C11orf21: variants seen among roughly 807,000 people sequenced by gnomAD.
The protein encoded by C11orf21 is uncharacterized protein C11orf21.
C11orf21 carries 19 observed loss-of-function variants against 15.2 expected under a neutral mutation model. The ratio of observed to expected loss-of-function variants is 1.25; its 90% CI spans 0.87 to 1.84. The LOEUF (loss-of-function observed/expected upper bound fraction) is 1.84. C11orf21 is among the 40% of genes most tolerant of loss of function. The pLI, the probability that C11orf21 is intolerant of heterozygous loss-of-function variation, is 0.00. For missense variants in C11orf21, 171 were observed against 174.4 expected, an observed-to-expected ratio of 0.98 and a Z score of 0.11; for synonymous variants, 62 against 66.8, an observed-to-expected ratio of 0.93 and a Z score of 0.35.
intron 2 of C11orf21, among the ~76,000 whole-genome samples, chr11:2,300,027 G>A (rs574828642): frequency 3.4e-5 from 5 of 146,600 alleles, no homozygotes; most frequent in Non-Finnish European, 7.5e-5. Context: ...CCCGCTGCTC[G>A]AGGGGTCTTC....
upstream of C11orf21, chr11:2,301,967 C>T (rs927094606): frequency 2.7e-6 from 4 of 1,491,800 alleles, no homozygotes; most frequent in African/African-American, 4.2e-5. Flanking sequence ...ACTGCCCCTC[C>T]CCTTCCTGCC....
upstream of C11orf21, chr11:2,302,709 G>A (rs374644554): frequency 6.4e-5 from 45 of 708,104 alleles, 1 homozygote; most frequent in East Asian, 4.1e-4. Context: ...CGGAAACACC[G>A]GGAATCCCTG....
chr11:2,298,142 C>T (rs1278408501), intron 3 of C11orf21, among the ~76,000 whole-genome samples: 2 of 152,200 alleles, frequency 1.3e-5, no homozygotes, highest in Non-Finnish European at 2.9e-5. Flanking sequence ...TGACACTGAA[C>T]CCGCCTCCTA....
At position 2,297,672 on chromosome 11, in the gene C11orf21, A is replaced by G. The variant is rs2133266171; in HGVS notation, c.*278T>C. On this transcript the variant is annotated 3_prime_UTR_variant, in exon 4 of 4. Coordinates refer to ENST00000381153, the MANE Select transcript of C11orf21 (RefSeq NM_001329958.2). ...ACTCACTGCTTCCCAGAGCCAGCCC[A>G]GAGCTGTTTAGTAGACATGAGGTGA... The G allele has an allele frequency of 6.6e-6, 1 of 152,384 alleles. No homozygotes were observed. Among genetic ancestry groups the G allele is most frequent in the African/African-American group, 2.4e-5 (1 of 41,584 alleles). 9.4% of individuals were successfully genotyped at this position (152,384 alleles called of 1,614,324 possible).
chr11:2,298,296 C>T (rs1174634667), intron 3 of C11orf21, among the ~76,000 whole-genome samples: 1 of 152,220 alleles, frequency 6.6e-6, no homozygotes, highest in African/African-American at 2.4e-5. Context: ...GGGGTCTGGC[C>T]TGAAAGGGGA....
intron 2 of C11orf21, among the ~76,000 whole-genome samples, chr11:2,300,013 T>C (rs139324884): frequency 1.2e-3 from 168 of 145,294 alleles, no homozygotes; most frequent in Admixed American, 2.4e-3. Context: ...TCCTTGGGGC[T>C]GAACCCGCTG....
chr11:2,300,913 G>C, intron 1 of C11orf21: 1 of 722,818 alleles, frequency 1.4e-6, no homozygotes, highest in East Asian at 2.7e-5. Context: ...CTGCGCCCCA[G>C]TCTGAGCCAC....
chr11:2,302,792 CT>C, upstream of C11orf21: 7 of 1,520,634 alleles, frequency 4.6e-6, no homozygotes, highest in Non-Finnish European at 6.4e-6. Context: ...GCCGAGCTCC[CT>C]GCTCCTGCAG....
chr11:2,302,224 C>A, upstream of C11orf21: 1 of 1,384,548 alleles, frequency 7.2e-7, no homozygotes, highest in Non-Finnish European at 9.4e-7. Flanking sequence ...TGGTAACAGG[C>A]AGGTCGGGCA....
chr11:2,302,247 G>A, upstream of C11orf21: 1 of 1,381,714 alleles, frequency 7.2e-7, no homozygotes, highest in Non-Finnish European at 9.4e-7. Context: ...AGTGGGTGGT[G>A]GGTGGGGGTG....
At chr11:2,302,187 AGAT>A, upstream of C11orf21, 1 of 1,402,024 alleles carries the variant, frequency 7.1e-7, no homozygotes, top group Non-Finnish European at 9.3e-7. Flanking sequence ...GCCAAATGCC[AGAT>A]GCTGGTCACC....
chr11:2,301,953 C>A (rs1277187066), upstream of C11orf21: 2 of 1,498,848 alleles, frequency 1.3e-6, no homozygotes, highest in East Asian at 2.5e-5. Context: ...GGGGAGCCAA[C>A]CTCACTGCCC....
In C11orf21 at chr11:2,301,866, T is replaced by A. The variant is rs1321275484; in HGVS notation, c.-58A>T. On this transcript the variant is annotated 5_prime_UTR_variant, in exon 1 of 4. Coordinates refer to ENST00000381153, the MANE Select transcript of C11orf21 (RefSeq NM_001329958.2). ...CCACACCAAGAACGAGGCCATGTCTTCCTGGGAAGGGCCTCAGATGTCAGC... is the reference window on the plus strand; with the variant it reads ...CCACACCAAGAACGAGGCCATGTCTACCTGGGAAGGGCCTCAGATGTCAGC... The A allele has an allele frequency of 3.2e-6, 5 of 1,549,842 alleles. No individual in the cohort carries two copies. The highest frequency in any genetic ancestry group is 2.0e-5 in the Admixed American group (1 of 50,974).
intron 3 of C11orf21, among the ~76,000 whole-genome samples, chr11:2,298,239 A>G (rs1847575205): frequency 6.6e-6 from 1 of 152,214 alleles, no homozygotes; most frequent in African/African-American, 2.4e-5. Context: ...CCTGTCCCAG[A>G]GAGAGGGCAG....
chr11:2,299,126 C>T (rs1847607553), intron 3 of C11orf21, among the ~76,000 whole-genome samples: 1 of 152,170 alleles, frequency 6.6e-6, no homozygotes, highest in African/African-American at 2.4e-5. Context: ...TCAAAGGTCC[C>T]CTGGGGCCCA....
chr11:2,302,930 G>A, upstream of C11orf21: 1 of 1,613,686 alleles, frequency 6.2e-7, no homozygotes, highest in Non-Finnish European at 8.5e-7. Flanking sequence ...CCCTGGAGAA[G>A]AACCCGTACC....
upstream of C11orf21, chr11:2,302,306 C>G (rs1160133415): frequency 9.6e-6 from 12 of 1,246,524 alleles, no homozygotes; most frequent in Non-Finnish European, 1.3e-5. Context: ...TATCCCTCCC[C>G]TGACACACAC....
upstream of C11orf21, chr11:2,302,878 T>A (rs901097960): frequency 1.2e-6 from 2 of 1,613,520 alleles, no homozygotes; most frequent in Non-Finnish European, 1.7e-6. Context: ...ATGGTGACTC[T>A]TACCTACTTC....
In C11orf21 at chr11:2,301,775, G is replaced by A. The variant is rs758267375; in HGVS notation, c.34C>T (p.Arg12Trp). The A allele has an allele frequency of 3.7e-5, 57 of 1,549,684 alleles. 1 individual carries two copies. In the Middle Eastern group the frequency reaches 5.0e-4, roughly 14 times the overall value. ...GCTCACCTCCTCCTCCCCGGGCGCC[G>A]TCTCCTCCACATCCCACACCAGGTC... ...GRTWCGMWRR[R>W]RPGRRSAVPR... The change falls in exon 1 of 4, where the codon CGG (arginine) becomes TGG (tryptophan). Residue 12 changes from arginine to tryptophan, a missense_variant. Arg to Trp is a moderately radical substitution (Grantham distance 101). Transcript: ENST00000381153.
Sources: gnomAD v4.1 joint callset for allele counts (sites outside exome capture counted in the v4.1 genomes callset) on GRCh38, gnomAD v4.1.1 for gene constraint, MANE v1.5 for transcripts, NCBI Gene and HGNC (gene_info 2026-07-23, HGNC 2026-07-21) for gene names.